LRFN2: variants seen among roughly 807,000 people sequenced by gnomAD.
LRFN2 encodes the protein leucine-rich repeat and fibronectin type-III domain-containing protein 2.
Under a neutral mutation model 37.3 loss-of-function variants are expected in LRFN2, and 18 were observed. That is an observed-to-expected ratio of 0.48 (90% CI 0.33 to 0.72). The LOEUF is 0.72. LRFN2 is among the 30% of genes least tolerant of loss of function. The pLI, the probability that LRFN2 is intolerant of heterozygous loss-of-function variation, is 0.02. For missense variants in LRFN2, 1,006 were observed against 1,060.7 expected (o/e 0.95, Z 0.72); for synonymous variants, 556 against 466.6 (o/e 1.19, Z -2.47).
chr6:40,399,470 C>CT (rs1208570824), intron 2 of LRFN2, among the ~76,000 whole-genome samples: 1 of 129,202 alleles, frequency 7.7e-6, no homozygotes. Flanking sequence ...CAGTCTCACT[C>CT]TGTAGCCCAA....
At position 40,391,793 on chromosome 6, in the gene LRFN2, G is replaced by T; in HGVS notation, c.*150C>A. 2.8e-6 allele frequency: 2 copies of T among 714,358 alleles called. No individual in the cohort carries two copies. The highest frequency in any genetic ancestry group is 4.1e-6 in the Non-Finnish European group (2 of 482,332). 44.3% of individuals were successfully genotyped at this position (714,358 alleles called of 1,614,324 possible). A position where few individuals can be genotyped will look rare whatever the true frequency, so the allele number is the denominator to read the frequency against. On this transcript the variant is annotated 3_prime_UTR_variant, in exon 3 of 3. Coordinates refer to ENST00000338305, the MANE Select transcript of LRFN2 (RefSeq NM_020737.3). ...GGTGGGGAGGTGATGTGGGTGTTGC[G>T]GGGTAGGGGGGGACACGAGGCCATT...
At chr6:40,520,219 A>T (rs1351145851) in intron 1 of LRFN2, among the ~76,000 whole-genome samples, 1 of 152,136 alleles carries the variant, frequency 6.6e-6, no homozygotes, top group African/African-American at 2.4e-5. Context: ...CAGGAAGCCC[A>T]GCCCGAGAGG....
intron 1 of LRFN2, among the ~76,000 whole-genome samples, chr6:40,487,444 C>T (rs1463633929): frequency 6.6e-6 from 1 of 152,224 alleles, no homozygotes; most frequent in African/African-American, 2.4e-5. Flanking sequence ...TGCTTCTTCC[C>T]TTACACCTGT....
chr6:40,546,501 C>T (rs1323283680), intron 1 of LRFN2, among the ~76,000 whole-genome samples: 1 of 152,184 alleles, frequency 6.6e-6, no homozygotes, highest in Non-Finnish European at 1.5e-5. Context: ...TCCTGGCCAA[C>T]ACTGGTGGGA....
intron 1 of LRFN2, among the ~76,000 whole-genome samples, chr6:40,517,731 G>T (rs1357715332): frequency 2.6e-5 from 4 of 152,184 alleles, no homozygotes; most frequent in Admixed American, 1.3e-4. Context: ...TTAATTAGCA[G>T]CCTCTCCTCG....
chr6:40,515,912 A>G (rs947005973), intron 1 of LRFN2, among the ~76,000 whole-genome samples: 4 of 151,656 alleles, frequency 2.6e-5, no homozygotes, highest in Admixed American at 1.3e-4. Context: ...AAAAAAAAAA[A>G]AAGAAGTCTT....
Position 40,501,516 on chromosome 6 carries a change from C to G in LRFN2, c.-18-68385G>C, listed in dbSNP as rs968494450. The G allele has an allele frequency of 2.6e-5, 4 of 151,002 alleles. No homozygotes were observed. The East Asian group carries it at 7.7e-4, about 29-fold the overall frequency. The allele number at this position is 151,002 out of a possible 1,614,324, so 9.4% of individuals were successfully genotyped here. A position where few individuals can be genotyped will look rare whatever the true frequency, so the allele number is the denominator to read the frequency against. The stretch of plus-strand genomic sequence containing the variant: ...TTTTTTTTTTAATTTTTAGCAGAGA[C>G]AGGGTTTCATTATGCTGCCCAGGCT... On this transcript the variant is annotated intron_variant, in intron 1 of 2. Transcript: ENST00000338305.
intron 1 of LRFN2, among the ~76,000 whole-genome samples, chr6:40,554,315 C>T (rs917812489): frequency 6.6e-6 from 1 of 152,178 alleles, no homozygotes; most frequent in African/African-American, 2.4e-5. Context: ...TCATGCCCTC[C>T]TTAGGGGCTT....
In LRFN2 at chr6:40,435,785, G is replaced by A. The variant is rs572095414; in HGVS notation, c.-18-2654C>T. On this transcript the variant is annotated intron_variant, in intron 1 of 2. Coordinates refer to ENST00000338305, the MANE Select transcript of LRFN2 (RefSeq NM_020737.3). ...GATCTCCTGACCTTGTGATCCGCCC[G>A]TCTTGGCCTCCTGTAATAGCTTATT... Among the ~76,000 whole-genome samples, 112 of 152,200 alleles carry A rather than the reference G, an allele frequency of 7.4e-4. 1 individual carries two copies. Among genetic ancestry groups the A allele is most frequent in the African/African-American group, 1.8e-3 (75 of 41,520 alleles).
chr6:40,538,918 G>T (rs1192863323), intron 1 of LRFN2, among the ~76,000 whole-genome samples: 2 of 152,144 alleles, frequency 1.3e-5, no homozygotes, highest in Non-Finnish European at 2.9e-5. Flanking sequence ...TTTTTCCATG[G>T]CCTAGTGTTG....
At chr6:40,560,904 C>A (rs1276135768) in intron 1 of LRFN2, among the ~76,000 whole-genome samples, 3 of 152,300 alleles carry the variant, frequency 2.0e-5, no homozygotes, top group Non-Finnish European at 2.9e-5. Flanking sequence ...TTATCTAGAT[C>A]ATCTCCAAAC....
At chr6:40,578,144 G>T (rs1363465697) in intron 1 of LRFN2, among the ~76,000 whole-genome samples, 1 of 152,140 alleles carries the variant, frequency 6.6e-6, no homozygotes, top group African/African-American at 2.4e-5. Flanking sequence ...ATGTCCTGTG[G>T]CCTAACTCCC....
intron 2 of LRFN2, among the ~76,000 whole-genome samples, chr6:40,419,979 G>T (rs1043966314): frequency 6.6e-6 from 1 of 152,206 alleles, no homozygotes; most frequent in Non-Finnish European, 1.5e-5. Context: ...TAGTGCAAAG[G>T]TTTGGTGTTT....
At chr6:40,456,089 A>G (rs1179341832) in intron 1 of LRFN2, among the ~76,000 whole-genome samples, 1 of 152,204 alleles carries the variant, frequency 6.6e-6, no homozygotes, top group East Asian at 1.9e-4. Flanking sequence ...AAGGGGCCTC[A>G]GTTCTACAAC....
intron 1 of LRFN2, among the ~76,000 whole-genome samples, chr6:40,493,577 C>A (rs1363436461): frequency 6.6e-6 from 1 of 152,216 alleles, no homozygotes; most frequent in African/African-American, 2.4e-5. Flanking sequence ...CCAAATGGGA[C>A]CCATAAATAG....
intron 1 of LRFN2, among the ~76,000 whole-genome samples, chr6:40,538,552 T>C (rs1766494677): frequency 6.6e-6 from 1 of 152,260 alleles, no homozygotes; most frequent in South Asian, 2.1e-4. Context: ...TTGGCCACTA[T>C]ATTGTCCTTG....
intron 1 of LRFN2, among the ~76,000 whole-genome samples, chr6:40,554,750 C>T (rs1379245396): frequency 6.6e-6 from 1 of 152,136 alleles, no homozygotes; most frequent in Admixed American, 6.5e-5. Context: ...CCCCTTCCTA[C>T]TTGACTCCCC....
At chr6:40,442,519 A>T (rs183704306) in intron 1 of LRFN2, among the ~76,000 whole-genome samples, 19 of 152,074 alleles carry the variant, frequency 1.2e-4, no homozygotes, top group African/African-American at 4.6e-4. Context: ...CTCCCCTCAG[A>T]CTGGGACCCT....
chr6:40,424,197 C>G (rs540947227), intron 2 of LRFN2, among the ~76,000 whole-genome samples: 6 of 152,312 alleles, frequency 3.9e-5, no homozygotes, highest in Admixed American at 2.0e-4. Flanking sequence ...AACCAAGCTT[C>G]TCACTGGCAC....
Sources: gnomAD v4.1 joint callset for allele counts (sites outside exome capture counted in the v4.1 genomes callset) on GRCh38, gnomAD v4.1.1 for gene constraint, MANE v1.5 for transcripts, NCBI Gene and HGNC (gene_info 2026-07-23, HGNC 2026-07-21) for gene names.